The following WDFY4 variants were observed in gnomAD, a reference collection of about 807,000 sequenced individuals.
WDFY4 encodes WD repeat- and FYVE domain-containing protein 4.
WDFY4 carries 169 observed loss-of-function variants against 351.9 expected under a neutral mutation model. The observed-to-expected ratio is 0.48, with a 90% confidence interval of 0.42 to 0.55. The LOEUF (loss-of-function observed/expected upper bound fraction) is 0.55, where lower values mean the gene tolerates loss of function less well. WDFY4 is among the 20% of genes least tolerant of loss of function. The pLI is 0.00. For synonymous variants in WDFY4, 1,622 were observed against 1,574.6 expected, an observed-to-expected ratio of 1.03 and a Z score of -0.71; for missense variants, 3,803 against 3,935.6, an observed-to-expected ratio of 0.97 and a Z score of 0.90.
In WDFY4 at chr10:48,787,807, C is replaced by CTTCTTCT. The variant is rs1555010320; in HGVS notation, c.3809-722_3809-721insTCTTCTT. 7.6e-4 allele frequency among the ~76,000 whole-genome samples: 58 copies of CTTCTTCT among 76,734 alleles called. 2 individuals are homozygous for CTTCTTCT. Among genetic ancestry groups the CTTCTTCT allele is most frequent in the East Asian group, 3.5e-3 (8 of 2,282 alleles). 50.3% of individuals were successfully genotyped at this position (76,734 alleles called of 152,430 possible). ...CCTCTTCCTCCTCCTCCTCCTCCTCCTCTTCTTCTTCTTCTTCTTCTTCTT... is the reference window on the plus strand; with the variant it reads ...CCTCTTCCTCCTCCTCCTCCTCCTCCTTCTTCTTCTTCTTCTTCTTCTTCTTCTTCTT... On this transcript the variant is annotated intron_variant, in intron 20 of 61. Coordinates refer to ENST00000325239, the MANE Select transcript of WDFY4 (RefSeq NM_001394531.1).
Position 48,943,565 on chromosome 10 carries a change from A to G in WDFY4, c.7749+116A>G, listed in dbSNP as rs148122196. The stretch of plus-strand genomic sequence containing the variant: ...GAGGTTCCGTCACATGAACCTGGGT[A>G]CCTGGGCCTAAAGGCTGCTGAAGCT... On this transcript the variant is annotated intron_variant, in intron 49 of 61. Transcript: ENST00000325239. 193 of 1,122,502 alleles carry G rather than the reference A, an allele frequency of 1.7e-4. No individual in the cohort carries two copies. In the African/African-American group the frequency reaches 2.8e-3, roughly 16 times the overall value. The allele number at this position is 1,122,502 out of a possible 1,614,324, so 69.5% of individuals were successfully genotyped here. A position where few individuals can be genotyped will look rare whatever the true frequency, so the allele number is the denominator to read the frequency against.
At chr10:48,946,798 C>A in intron 50 of WDFY4, 62 bp from the exon 51 acceptor site, 1 of 1,234,864 alleles carries the variant, frequency 8.1e-7, no homozygotes, top group Non-Finnish European at 1.2e-6. Context: ...GTGTAGCACA[C>A]ATATCTGCCA....
At chr10:48,939,736 T>C (rs1014415559) in intron 47 of WDFY4, among the ~76,000 whole-genome samples, 6 of 152,242 alleles carry the variant, frequency 3.9e-5, no homozygotes, top group African/African-American at 1.4e-4. Flanking sequence ...TTTTAAAAAA[T>C]AGATCTCACC....
At chr10:48,957,773 C>T (rs551175220) in intron 52 of WDFY4, among the ~76,000 whole-genome samples, 1 of 152,322 alleles carries the variant, frequency 6.6e-6, no homozygotes, top group South Asian at 2.1e-4. Context: ...ATGGCAGCTC[C>T]TTCCTGAACT....
At chr10:48,767,974 T>A (rs1413450898) in intron 13 of WDFY4, among the ~76,000 whole-genome samples, 3 of 152,122 alleles carry the variant, frequency 2.0e-5, no homozygotes, top group Non-Finnish European at 2.9e-5. Flanking sequence ...GATGGGGACC[T>A]TCTAGAGCAA....
intron 51 of WDFY4, among the ~76,000 whole-genome samples, chr10:48,949,890 T>A (rs1841236655): frequency 6.6e-6 from 1 of 152,044 alleles, no homozygotes; most frequent in Non-Finnish European, 1.5e-5. Flanking sequence ...CTTGGTGAGA[T>A]CAAGGAGGTG....
At chr10:48,948,694 G>A (rs1363666139) in intron 51 of WDFY4, among the ~76,000 whole-genome samples, 1 of 152,192 alleles carries the variant, frequency 6.6e-6, no homozygotes, top group African/African-American at 2.4e-5. Flanking sequence ...CTGGACTATA[G>A]GCTGTTGAGA....
At position 48,790,798 on chromosome 10, in the gene WDFY4, G is replaced by C; in HGVS notation, c.4138G>C (p.Gly1380Arg). Residue 1380 changes from glycine to arginine, a missense_variant, in exon 23 of 62, where the codon GGC becomes CGC. Gly to Arg is a moderately radical substitution (Grantham distance 125). This residue lies in a region of WDFY4 where 3,054 missense variants were observed against 3,148.6 expected (regional missense o/e 0.97). Coordinates refer to ENST00000325239, the MANE Select transcript of WDFY4 (RefSeq NM_001394531.1). ...DFIGGPAILL[G>R]LISLATDDHT... ...CATTGGCGGGCCTGCCATCCTCCTGGGCCTCATCTCCTTAGCGACAGATGA... is the reference window on the plus strand; with the variant it reads ...CATTGGCGGGCCTGCCATCCTCCTGCGCCTCATCTCCTTAGCGACAGATGA... 3 of 1,551,764 alleles carry C rather than the reference G, an allele frequency of 1.9e-6. No individual in the cohort carries two copies. The highest frequency in any genetic ancestry group is 2.6e-6 in the Non-Finnish European group (3 of 1,147,010).
intron 37 of WDFY4, among the ~76,000 whole-genome samples, chr10:48,830,069 T>C (rs1375727814): frequency 2.0e-5 from 3 of 152,314 alleles, no homozygotes; most frequent in African/African-American, 4.8e-5. Context: ...AGGGGACTCA[T>C]TGGTCCAAGA....
At chr10:48,765,071 AC>A (rs1565172481) in intron 13 of WDFY4, among the ~76,000 whole-genome samples, 1 of 152,372 alleles carries the variant, frequency 6.6e-6, no homozygotes, top group East Asian at 1.9e-4. Context: ...CTAGAATAGA[AC>A]ACATGGATGA....
chr10:48,815,963 C>G (rs1231385788), intron 31 of WDFY4, among the ~76,000 whole-genome samples: 8 of 151,896 alleles, frequency 5.3e-5, no homozygotes, highest in African/African-American at 1.9e-4. Context: ...AGACTTCTCT[C>G]CTTTCTTTGT....
intron 43 of WDFY4, among the ~76,000 whole-genome samples, chr10:48,879,419 T>C (rs2070158815): frequency 6.6e-6 from 1 of 152,270 alleles, no homozygotes; most frequent in African/African-American, 2.4e-5. Context: ...TACACCTGCC[T>C]GCTTTCCTGA....
intron 12 of WDFY4, among the ~76,000 whole-genome samples, chr10:48,749,616 G>A (rs2132455330): frequency 6.6e-6 from 1 of 152,298 alleles, no homozygotes; most frequent in East Asian, 1.9e-4. Context: ...GTGCAGGTCT[G>A]GAGGTGAAAG....
intron 19 of WDFY4, among the ~76,000 whole-genome samples, chr10:48,781,416 C>A (rs2066221018): frequency 6.6e-6 from 1 of 152,116 alleles, no homozygotes. Context: ...CCTTTCTCAA[C>A]CTCCTGACTA....
chr10:48,884,821 CTGAG>C (rs1295421414), intron 43 of WDFY4, among the ~76,000 whole-genome samples: 2 of 152,204 alleles, frequency 1.3e-5, no homozygotes, highest in Non-Finnish European at 2.9e-5. Context: ...CCATCTCAGT[CTGAG>C]TGAGACACAC....
chr10:48,976,984 G>C lies in WDFY4; in HGVS notation c.9291+5G>C. 7.0e-7 allele frequency: 1 copy of C among 1,429,842 alleles called. No individual in the cohort carries two copies. Among genetic ancestry groups the C allele is most frequent in the Non-Finnish European group, 9.3e-7 (1 of 1,079,874 alleles). 88.6% of individuals were successfully genotyped at this position (1,429,842 alleles called of 1,614,324 possible). A position where few individuals can be genotyped will look rare whatever the true frequency, so the allele number is the denominator to read the frequency against. On this transcript the variant is annotated splice_donor_5th_base_variant and intron_variant, in intron 59 of 61. Coordinates refer to ENST00000325239, the MANE Select transcript of WDFY4 (RefSeq NM_001394531.1). ...AGTCAAGACGGCATGGTCCGGGTAG[G>C]TGTGTCTTGGGCAGAATGAGGACAT...
chr10:48,772,290 G>A (rs112900930), intron 13 of WDFY4, among the ~76,000 whole-genome samples: 133 of 152,238 alleles, frequency 8.7e-4, no homozygotes, highest in African/African-American at 3.1e-3. Flanking sequence ...ACAGTCCCGA[G>A]GGCACTGGCC....
chr10:48,723,143 C>T (rs1241373342), intron 4 of WDFY4, among the ~76,000 whole-genome samples: 5 of 151,482 alleles, frequency 3.3e-5, no homozygotes, highest in Non-Finnish European at 7.4e-5. Flanking sequence ...CCCTCCTTTC[C>T]ACCCTCCCTC....
At chr10:48,879,548 G>A (rs187464564) in intron 43 of WDFY4, among the ~76,000 whole-genome samples, 31 of 152,266 alleles carry the variant, frequency 2.0e-4, no homozygotes, top group African/African-American at 7.2e-4. Context: ...TGATTTTAAC[G>A]CAATGCACAT....
Sources: allele counts gnomAD v4.1 joint callset (sites outside exome capture counted in the v4.1 genomes callset), GRCh38; gene constraint gnomAD v4.1.1; regional missense constraint gnomAD v4.1.1; transcripts MANE v1.5; gene names NCBI Gene and HGNC (gene_info 2026-07-23, HGNC 2026-07-21).